The following DMXL2 variants were observed in gnomAD, a reference collection of about 807,000 sequenced individuals.
The protein encoded by DMXL2 is dmX-like protein 2.
In DMXL2, 103 loss-of-function variants were observed where a neutral mutation model predicts 331.1. The ratio of observed to expected loss-of-function variants is 0.31; its 90% CI spans 0.27 to 0.37. The LOEUF is 0.37. Among genes scored for constraint, DMXL2 ranks in the 10% least tolerant of loss-of-function variants. The pLI, the probability that DMXL2 is intolerant of heterozygous loss-of-function variation, is 1.00. For missense variants in DMXL2, 3,171 were observed against 3,642.9 expected (o/e 0.87, Z 3.33); for synonymous variants, 1,281 against 1,252.1 (o/e 1.02, Z -0.49).
At position 51,500,821 on chromosome 15, in the gene DMXL2, A is replaced by G. The variant is rs376839901; in HGVS notation, c.2993-590T>C. On this transcript the variant is annotated intron_variant, in intron 17 of 43. Coordinates refer to ENST00000560891, the MANE Select transcript of DMXL2 (RefSeq NM_001378457.1). ...ACCCTCTTATCTATTCCTGACTGCC[A>G]AAGACTAACAATGCACATCTGTTGT... Among the ~76,000 whole-genome samples, 364 of 152,322 alleles carry G rather than the reference A, an allele frequency of 2.4e-3. 2 individuals are homozygous for G. The highest frequency in any genetic ancestry group is 8.4e-3 in the African/African-American group (351 of 41,568).
intron 4 of DMXL2, 77 bp downstream of exon 4, chr15:51,565,011 G>T: frequency 1.2e-6 from 1 of 815,156 alleles, no homozygotes; most frequent in South Asian, 3.0e-5. Flanking sequence ...CTTATTATGG[G>T]AGACTATATC....
rs553928658 is a variant in DMXL2 at position 51,457,586 on chromosome 15, A to C, written c.8199-120T>G. On this transcript the variant is annotated intron_variant, in intron 36 of 43. Coordinates refer to ENST00000560891, the MANE Select transcript of DMXL2 (RefSeq NM_001378457.1). Reference sequence around the variant, plus strand: ...TTATTTTAAAAACTAAGTAGCCATGAGAAAAACTTAGGTACAAGTCCTAAT... The same window carrying C: ...TTATTTTAAAAACTAAGTAGCCATGCGAAAAACTTAGGTACAAGTCCTAAT... 2.5e-6 allele frequency: 3 copies of C among 1,197,106 alleles called. No individual in the cohort carries two copies. In the South Asian group the frequency reaches 4.8e-5, roughly 19 times the overall value. 74.2% of individuals were successfully genotyped at this position (1,197,106 alleles called of 1,614,324 possible). A position where few individuals can be genotyped will look rare whatever the true frequency, so the allele number is the denominator to read the frequency against.
chr15:51,614,556 A>G (rs886467676), intron 1 of DMXL2, among the ~76,000 whole-genome samples: 1 of 152,212 alleles, frequency 6.6e-6, no homozygotes, highest in South Asian at 2.1e-4. Flanking sequence ...CTCTGCCTTC[A>G]TCGTATAAAA....
rs1330012164 is a variant in DMXL2 at position 51,471,324 on chromosome 15, C to T, written c.7291G>A (p.Val2431Ile). The change falls in exon 29 of 44, where the codon GTA becomes ATA. Residue 2431 changes from valine (V) to isoleucine (I), a missense_variant. Val to Ile is a conservative substitution (Grantham distance 29, BLOSUM62 3). This residue lies in a region of DMXL2 where 766 missense variants were observed against 940.5 expected (regional missense o/e 0.81). Transcript: ENST00000560891. ...NMRMLVPGRP[V>I]KDATPPPVPA... ...ACCGGTGGTGGGGTAGCATCTTTTA[C>T]AGGCCTTCCAGGGACGAGCATTCTC... is the stretch of plus-strand genomic sequence containing the variant. 2 of 1,613,872 alleles carry T rather than the reference C, an allele frequency of 1.2e-6. No individual in the cohort carries two copies. Among genetic ancestry groups the T allele is most frequent in the South Asian group, 1.1e-5 (1 of 91,072 alleles).
intron 1 of DMXL2, among the ~76,000 whole-genome samples, chr15:51,616,075 TA>T (rs1466488222): frequency 1.3e-5 from 2 of 152,186 alleles, no homozygotes; most frequent in Non-Finnish European, 2.9e-5. Flanking sequence ...TAAATGTTAT[TA>T]CTCCCAAGGC....
At chr15:51,563,706 A>T (rs548598914) in intron 5 of DMXL2, among the ~76,000 whole-genome samples, 1 of 152,280 alleles carries the variant, frequency 6.6e-6, no homozygotes, top group African/African-American at 2.4e-5. Context: ...TCCCACCAAC[A>T]TCCTAAATAT....
intron 1 of DMXL2, among the ~76,000 whole-genome samples, chr15:51,594,472 T>A (rs1374672223): frequency 6.6e-6 from 1 of 152,170 alleles, no homozygotes; most frequent in Non-Finnish European, 1.5e-5. Context: ...CACAGCCAAA[T>A]TCTACCAGAG....
chr15:51,482,667 A>G (rs2042100701), intron 23 of DMXL2, among the ~76,000 whole-genome samples: 1 of 152,188 alleles, frequency 6.6e-6, no homozygotes, highest in African/African-American at 2.4e-5. Context: ...GTACAAGATG[A>G]CCCTTAAACA....
chr15:51,470,298 C>T (rs929320900), intron 29 of DMXL2, among the ~76,000 whole-genome samples: 22 of 152,044 alleles, frequency 1.4e-4, no homozygotes, highest in African/African-American at 4.1e-4. Flanking sequence ...ACTGCACCTA[C>T]GTTTTAAAAT....
intron 13 of DMXL2, among the ~76,000 whole-genome samples, chr15:51,530,522 C>T (rs1449783145): frequency 6.6e-6 from 1 of 151,042 alleles, no homozygotes; most frequent in East Asian, 1.9e-4. Flanking sequence ...GAGGCTGAGG[C>T]GAGCAGATCA....
At chr15:51,622,250 C>T (rs920590887) in intron 1 of DMXL2, among the ~76,000 whole-genome samples, 1 of 152,142 alleles carries the variant, frequency 6.6e-6, no homozygotes, top group African/African-American at 2.4e-5. Flanking sequence ...CTAAGCCTTT[C>T]CCCTAACGGG....
In DMXL2 at chr15:51,488,002, T is replaced by C. The variant is rs2042522953; in HGVS notation, c.5169A>G (p.Gln1723=). The C allele has an allele frequency of 5.6e-6, 9 of 1,612,736 alleles. No homozygotes were observed. The highest frequency in any genetic ancestry group is 6.8e-6 in the Non-Finnish European group (8 of 1,179,518). ...CAGCTAGCAAGAAAAAAGCAGCCGA[T>C]TGTTCAAAGCGTTGTTTTCCAAGTA... ...FSLLGKQRFE[Q]SAAFFLLAGS... is the part of the protein sequence containing the mutation. Residue 1723 remains glutamine, a synonymous_variant, in exon 22 of 44, where the codon CAA becomes CAG. Transcript: ENST00000560891.
intron 19 of DMXL2, among the ~76,000 whole-genome samples, chr15:51,493,799 T>C (rs1227301210): frequency 6.6e-6 from 1 of 152,206 alleles, no homozygotes; most frequent in Non-Finnish European, 1.5e-5. Context: ...TAAGAGAACG[T>C]GGAGATACCA....
chr15:51,569,927 G>A (rs538815536), intron 2 of DMXL2, among the ~76,000 whole-genome samples: 34 of 152,202 alleles, frequency 2.2e-4, no homozygotes, highest in Non-Finnish European at 3.7e-4. Flanking sequence ...GAACAAAACT[G>A]GATGGAGAAT....
intron 1 of DMXL2, among the ~76,000 whole-genome samples, chr15:51,611,654 G>A (rs2053978170): frequency 6.6e-6 from 1 of 152,162 alleles, no homozygotes; most frequent in Admixed American, 6.5e-5. Context: ...TACTAACTAG[G>A]TGGCCTTCAT....
At chr15:51,550,142 G>A (rs996383965) in intron 6 of DMXL2, among the ~76,000 whole-genome samples, 3 of 152,046 alleles carry the variant, frequency 2.0e-5, no homozygotes, top group African/African-American at 7.2e-5. Flanking sequence ...CAATACATAT[G>A]ATACACCATA....
At chr15:51,571,053 GACAC>G (rs1380417216) in intron 2 of DMXL2, among the ~76,000 whole-genome samples, 2 of 152,048 alleles carry the variant, frequency 1.3e-5, no homozygotes, top group Non-Finnish European at 2.9e-5. Flanking sequence ...CTCACATGCA[GACAC>G]ACATACAGGC....
In DMXL2 at chr15:51,474,440, C is replaced by T. The variant is rs371331405; in HGVS notation, c.7117G>A (p.Ala2373Thr). 6.4e-6 allele frequency: 10 copies of T among 1,560,448 alleles called. No homozygotes were observed. Among genetic ancestry groups the T allele is most frequent in the Non-Finnish European group, 8.6e-6 (10 of 1,159,750 alleles). ...TNSSSELFRL[A>T]AHPLNNRMWA... ...ATTCGATTATTTAATGGGTGGGCTG[C>T]AAGCCGAAATAATTCACTGGAGGAA... Residue 2373 changes from alanine (A) to threonine (T), a missense_variant, in exon 28 of 44, where the codon GCA becomes ACA. By Grantham distance (58) the Ala-to-Thr change is moderately conservative. Coordinates refer to ENST00000560891, the MANE Select transcript of DMXL2 (RefSeq NM_001378457.1).
chr15:51,553,902 T>A (rs1271880170), intron 6 of DMXL2, among the ~76,000 whole-genome samples: 1 of 152,116 alleles, frequency 6.6e-6, no homozygotes, highest in Non-Finnish European at 1.5e-5. Flanking sequence ...AGTAATTAAG[T>A]TTCTGGAGAC....
Sources: allele counts gnomAD v4.1 joint callset (sites outside exome capture counted in the v4.1 genomes callset), GRCh38; gene constraint gnomAD v4.1.1; regional missense constraint gnomAD v4.1.1; transcripts MANE v1.5; gene names NCBI Gene and HGNC (gene_info 2026-07-23, HGNC 2026-07-21).